ATR: variants seen among roughly 807,000 people sequenced by gnomAD.
ATR encodes the protein ATR checkpoint kinase, also known as serine/threonine-protein kinase ATR.
In ATR, 142 loss-of-function variants were observed where a neutral mutation model predicts 305.3. The observed-to-expected ratio is 0.47, with a 90% CI of 0.41 to 0.53. ATR has a LOEUF of 0.53. ATR is among the 20% of genes least tolerant of loss of function. The pLI is 0.00. For synonymous variants in ATR, 1,050 were observed against 1,068.1 expected (o/e 0.98, Z 0.33); for missense variants, 2,135 against 3,133.1 (o/e 0.68, Z 7.60).
chr3:142,451,005 C>G, intron 46 of ATR: 1 of 1,246,318 alleles, frequency 8.0e-7, no homozygotes. Context: ...GTGAACTACA[C>G]CATCAATTCC....
Position 142,568,121 on chromosome 3 carries a change from CT to C in ATR, c.92del (p.Gln31ArgfsTer18). On this transcript the variant is annotated frameshift_variant, in exon 2 of 47. Coordinates refer to ENST00000350721, the MANE Select transcript of ATR (RefSeq NM_001184.4). LOFTEE classifies it high-confidence loss of function. ...ATPEEYNTVV[Q>X]KPRQILCQFI... ...ATTGACACAGAATTTGTCTTGGCTT[CT>C]GTACAACTGTATTATATTCCTCTGG... 1 of 1,612,456 alleles carries C rather than the reference CT, an allele frequency of 6.2e-7. No individual in the cohort carries two copies. The highest frequency in any genetic ancestry group is 8.5e-7 in the Non-Finnish European group (1 of 1,178,816).
At chr3:142,550,058 A>G in intron 14 of ATR, 74 bp downstream of exon 14, 1 of 1,565,350 alleles carries the variant, frequency 6.4e-7, no homozygotes, top group South Asian at 1.1e-5. Context: ...ATCTCATATC[A>G]AAGTCAAAAT....
chr3:142,456,742 C>T (rs1436026548), intron 45 of ATR, among the ~76,000 whole-genome samples: 1 of 152,194 alleles, frequency 6.6e-6, no homozygotes, highest in African/African-American at 2.4e-5. Flanking sequence ...TACAACTTCA[C>T]ATCCCTAGAA....
At position 142,507,987 on chromosome 3, in the gene ATR, C is replaced by A; in HGVS notation, c.4975G>T (p.Glu1659Ter). 1 of 1,613,416 alleles carries A rather than the reference C, an allele frequency of 6.2e-7. No individual in the cohort carries two copies. The highest frequency in any genetic ancestry group is 1.1e-5 in the South Asian group (1 of 91,022). ...TGCTTCTTTTCTGTAATAAATGATT[C>A]AAAGTGCATTACAGCTCGTGTGTAT... is the stretch of plus-strand genomic sequence containing the variant. ...KAYTRAVMHFESFITEKKQNI... is the reference protein window; with the variant it reads ...KAYTRAVMHF Residue 1659 changes from glutamate (E) to a stop codon, truncating the protein, a stop_gained, in exon 28 of 47, where the codon GAA becomes TAA. Transcript: ENST00000350721. LOFTEE classifies it high-confidence loss of function.
intron 28 of ATR, among the ~76,000 whole-genome samples, chr3:142,505,687 G>A (rs1334309756): frequency 6.6e-6 from 1 of 152,128 alleles, no homozygotes; most frequent in African/African-American, 2.4e-5. Flanking sequence ...TATTGTTATT[G>A]AGATGACTTC....
At chr3:142,527,386 T>G (rs1431713476) in intron 21 of ATR, among the ~76,000 whole-genome samples, 1 of 152,128 alleles carries the variant, frequency 6.6e-6, no homozygotes, top group Non-Finnish European at 1.5e-5. Flanking sequence ...TATTCTCTAT[T>G]TCTCCTACAG....
intron 36 of ATR, among the ~76,000 whole-genome samples, chr3:142,483,888 T>TATAA (rs1553756027): frequency 7.3e-5 from 11 of 151,312 alleles, no homozygotes; most frequent in African/African-American, 2.4e-4. Flanking sequence ...TATATATATA[T>TATAA]AACCACGAAA....
chr3:142,546,808 A>T (rs952939742), intron 16 of ATR, among the ~76,000 whole-genome samples: 4 of 152,164 alleles, frequency 2.6e-5, no homozygotes, highest in Non-Finnish European at 5.9e-5. Context: ...TGACTATGAG[A>T]TTTAATAGCC....
Position 142,542,660 on chromosome 3 carries a change from C to G in ATR, c.3450+5G>C. On this transcript the variant is annotated splice_donor_5th_base_variant and intron_variant, in intron 17 of 46. Coordinates refer to ENST00000350721, the MANE Select transcript of ATR (RefSeq NM_001184.4). ...TCTTAGCACTCTGGAACTATCACCACTTACCATTTTCTTATCTTCAATGCC... is the reference window on the plus strand; with the variant it reads ...TCTTAGCACTCTGGAACTATCACCAGTTACCATTTTCTTATCTTCAATGCC... The G allele has an allele frequency of 6.2e-7, 1 of 1,609,164 alleles. No individual in the cohort carries two copies. Among genetic ancestry groups the G allele is most frequent in the Non-Finnish European group, 8.5e-7 (1 of 1,175,982 alleles).
chr3:142,547,152 A>G (rs1378150896), intron 16 of ATR, among the ~76,000 whole-genome samples: 1 of 152,218 alleles, frequency 6.6e-6, no homozygotes, highest in East Asian at 1.9e-4. Context: ...TATTTTTTTA[A>G]GATAGATAAA....
intron 21 of ATR, among the ~76,000 whole-genome samples, chr3:142,533,627 T>G (rs1381279930): frequency 2.6e-5 from 4 of 152,216 alleles, no homozygotes; most frequent in African/African-American, 9.6e-5. Context: ...ATTCTTTTCT[T>G]ACCTCCTCAT....
chr3:142,502,502 A>G (rs1158663322), intron 30 of ATR, among the ~76,000 whole-genome samples: 1 of 152,190 alleles, frequency 6.6e-6, no homozygotes, highest in East Asian at 1.9e-4. Flanking sequence ...TTGAAAAACT[A>G]TCTTTTGGGT....
chr3:142,485,143 C>A lies in ATR; in HGVS notation c.6218G>T (p.Gly2073Val), dbSNP rs1282142308. The A allele has an allele frequency of 6.2e-7, 1 of 1,613,984 alleles. No individual in the cohort carries two copies. The highest frequency in any genetic ancestry group is 8.5e-7 in the Non-Finnish European group (1 of 1,180,010). ...DLIRYIVLHF[G>V]RSLQYGNQFI... ...AACATGCAGTTCTCATACTCACCTGCCAAAATGAAGAACTATATACCGGAT... is the reference window on the plus strand; with the variant it reads ...AACATGCAGTTCTCATACTCACCTGACAAAATGAAGAACTATATACCGGAT... The change falls in exon 36 of 47, where the codon GGC (glycine) becomes GTC (valine). Residue 2073 changes from glycine (G) to valine (V), a missense_variant. Transcript: ENST00000350721.
At chr3:142,501,106 T>A (rs1482304936) in intron 30 of ATR, among the ~76,000 whole-genome samples, 1 of 152,130 alleles carries the variant, frequency 6.6e-6, no homozygotes, top group East Asian at 1.9e-4. Flanking sequence ...AAGAAAAACA[T>A]GCCCCATCCA....
At position 142,481,420 on chromosome 3, in the gene ATR, G is replaced by T. The variant is rs576729692; in HGVS notation, c.6221+3720C>A. ...TAAATTCCACTTGGTCATGGTGAAT[G>T]ATCCTTTTAATGTGCTGTTGAATTT... On this transcript the variant is annotated intron_variant, in intron 36 of 46. Coordinates refer to ENST00000350721, the MANE Select transcript of ATR (RefSeq NM_001184.4). Among the ~76,000 whole-genome samples, 281 of 152,268 alleles carry T rather than the reference G, an allele frequency of 1.8e-3. 1 individual carries two copies. The highest frequency in any genetic ancestry group is 6.2e-3 in the African/African-American group (257 of 41,564).
chr3:142,513,153 G>C (rs765173441), intron 26 of ATR, among the ~76,000 whole-genome samples: 5 of 152,112 alleles, frequency 3.3e-5, no homozygotes, highest in Non-Finnish European at 7.4e-5. Flanking sequence ...GACATTAGAT[G>C]AGGCATCACA....
chr3:142,466,329 C>G lies in ATR; in HGVS notation c.6892G>C (p.Asp2298His). 6.2e-7 allele frequency: 1 copy of G among 1,613,062 alleles called. No homozygotes were observed. Among genetic ancestry groups the G allele is most frequent in the Non-Finnish European group, 8.5e-7 (1 of 1,179,176 alleles). The stretch of plus-strand genomic sequence containing the variant: ...CATATAAAACTGAAGTTTACCATAT[C>G]ATCAAACCCTGCAATATAGGCCCAA... Reference protein sequence around the residue: ...GHWAYIAGFDDMVEILASLQK... With the variant: ...GHWAYIAGFDHMVEILASLQK... The change falls in exon 40 of 47, where the codon GAT becomes CAT. Residue 2298 changes from aspartate (D) to histidine (H), a missense_variant. Coordinates refer to ENST00000350721, the MANE Select transcript of ATR (RefSeq NM_001184.4).
chr3:142,548,464 T>C (rs986977494), intron 15 of ATR, among the ~76,000 whole-genome samples: 3 of 152,206 alleles, frequency 2.0e-5, no homozygotes, highest in South Asian at 2.1e-4. Flanking sequence ...CAGCCAGGAG[T>C]TGGACACCAG....
chr3:142,450,410 T>G, intron 46 of ATR: 1 of 1,579,300 alleles, frequency 6.3e-7, no homozygotes, highest in Non-Finnish European at 8.7e-7. Flanking sequence ...CTGTCTTCTT[T>G]CACTTGTGAC....
Sources: gnomAD v4.1 joint callset for allele counts (sites outside exome capture counted in the v4.1 genomes callset) on GRCh38, gnomAD v4.1.1 for gene constraint, MANE v1.5 for transcripts, NCBI Gene and HGNC (gene_info 2026-07-23, HGNC 2026-07-21) for gene names.